The following CWC27 variants were observed in gnomAD, a reference collection of about 807,000 sequenced individuals.
The protein encoded by CWC27 is spliceosome-associated protein CWC27 homolog.
A neutral mutation model predicts 63.6 loss-of-function variants in CWC27; 47 were observed. That is an observed-to-expected ratio of 0.74 (90% CI 0.58 to 0.94). CWC27 has a LOEUF of 0.94. Ranked by LOEUF, CWC27 falls within the 40% of genes least tolerant of loss-of-function variation. The pLI, the probability that CWC27 is intolerant of heterozygous loss-of-function variation, is 0.00. For missense variants in CWC27, 495 were observed against 554.3 expected (o/e 0.89, Z 1.07); for synonymous variants, 175 against 179.8 (o/e 0.97, Z 0.22).
Position 64,781,937 on chromosome 5 carries a change from C to T in CWC27, c.156C>T (p.Thr52=). The T allele has an allele frequency of 6.4e-7, 1 of 1,573,970 alleles. No individual in the cohort carries two copies. The highest frequency in any genetic ancestry group is 8.7e-7 in the Non-Finnish European group (1 of 1,150,628). The change falls in exon 3 of 14, where the codon ACC becomes ACT. Residue 52 remains threonine, a synonymous_variant. Coordinates refer to ENST00000381070, the MANE Select transcript of CWC27 (RefSeq NM_005869.4). ...QLCLEAYYDN[T]IFHRVVPGFI... ...TTTTTTCAGCTTATTATGACAATAC[C>T]ATTTTTCATAGAGTTGTGCCTGGTT...
In CWC27 at chr5:64,853,551, T is replaced by C. The variant is rs147954413; in HGVS notation, c.939-31892T>C. 3.9e-5 allele frequency among the ~76,000 whole-genome samples: 6 copies of C among 152,352 alleles called. No individual in the cohort carries two copies. The East Asian group carries it at 1.2e-3, about 29-fold the overall frequency. On this transcript the variant is annotated intron_variant, in intron 10 of 13. Transcript: ENST00000381070. ...CTATAAAGAAATATTTGAGGGTAAGTAATGTCTAAGGAAAAGAGGTTTAAT... is the reference window on the plus strand; with the variant it reads ...CTATAAAGAAATATTTGAGGGTAAGCAATGTCTAAGGAAAAGAGGTTTAAT...
At chr5:64,998,129 C>T (rs73093068) in intron 13 of CWC27, among the ~76,000 whole-genome samples, 5 of 152,008 alleles carry the variant, frequency 3.3e-5, no homozygotes, top group African/African-American at 1.2e-4. Flanking sequence ...CTGTCTTAAC[C>T]CTGCGCTTTC....
At chr5:64,972,570 A>C in intron 12 of CWC27, 1 of 389,276 alleles carries the variant, frequency 2.6e-6, no homozygotes, top group Non-Finnish European at 5.0e-6. Flanking sequence ...ACACCATTTT[A>C]GTTGTATAAA....
At chr5:65,017,184 G>T (rs748472343) in intron 13 of CWC27, among the ~76,000 whole-genome samples, 1 of 152,072 alleles carries the variant, frequency 6.6e-6, no homozygotes, top group South Asian at 2.1e-4. Context: ...AGCCAGGCGT[G>T]GTGGCAAATC....
chr5:65,004,242 G>T (rs1452089101), intron 13 of CWC27, among the ~76,000 whole-genome samples: 1 of 152,048 alleles, frequency 6.6e-6, no homozygotes, highest in African/African-American at 2.4e-5. Context: ...TATGCCTCTT[G>T]TAAGACTTAT....
rs1322341755 is a variant in CWC27, at chr5:64,833,422, G to A, written c.938+29036G>A. Among the ~76,000 whole-genome samples, 4 of 151,814 alleles carry A rather than the reference G, an allele frequency of 2.6e-5. No individual in the cohort carries two copies. The East Asian group carries it at 7.7e-4, about 29-fold the overall frequency. On this transcript the variant is annotated intron_variant, in intron 10 of 13. Transcript: ENST00000381070. ...TAAATGCCACCATCTGTATATAACT[G>A]GATTCTCTTATTGACCAATGCATGC...
intron 11 of CWC27, among the ~76,000 whole-genome samples, chr5:64,901,693 A>G (rs115933516): frequency 0.01 from 1,525 of 152,232 alleles, 13 homozygotes; most frequent in Non-Finnish European, 0.015. Flanking sequence ...GGCTTACTGT[A>G]ACTTTTTTAC....
Position 64,785,510 on chromosome 5 carries a change from G to GCGA in CWC27, c.428_430dup (p.Arg143dup). 1 of 1,544,492 alleles carries GCGA rather than the reference G, an allele frequency of 6.5e-7. No homozygotes were observed. The highest frequency in any genetic ancestry group is 8.7e-7 in the Non-Finnish European group (1 of 1,152,728). ...CAGGGGATACAGTATATAACATGTTGCGACTGTCAGAAGTAGACATTGATG... is the reference window on the plus strand; with the variant it reads ...CAGGGGATACAGTATATAACATGTTGCGACGACTGTCAGAAGTAGACATTGATG... On this transcript the variant is annotated inframe_insertion, in exon 5 of 14. Transcript: ENST00000381070.
intron 13 of CWC27, among the ~76,000 whole-genome samples, chr5:65,006,087 C>A (rs183347784): frequency 0.055 from 8,335 of 152,140 alleles, 549 homozygotes; most frequent in African/African-American, 0.15. Context: ...CTTGTGATTT[C>A]TTAACATTAT....
intron 11 of CWC27, among the ~76,000 whole-genome samples, chr5:64,911,570 G>A (rs1212498237): frequency 6.6e-6 from 1 of 152,268 alleles, no homozygotes; most frequent in Non-Finnish European, 1.5e-5. Flanking sequence ...GAGGATCAGA[G>A]TTTGGGGCAA....
intron 10 of CWC27, among the ~76,000 whole-genome samples, chr5:64,859,205 G>A (rs75078429): frequency 0.011 from 1,737 of 152,258 alleles, 77 homozygotes; most frequent in Admixed American, 0.075. Flanking sequence ...ATTGTTAGAA[G>A]TAGCAACTAA....
intron 10 of CWC27, among the ~76,000 whole-genome samples, chr5:64,812,515 G>C (rs1430708629): frequency 6.6e-6 from 1 of 152,022 alleles, no homozygotes; most frequent in Non-Finnish European, 1.5e-5. Context: ...TTGTTTTTTT[G>C]CTTTGGTATG....
intron 10 of CWC27, among the ~76,000 whole-genome samples, chr5:64,845,416 G>A (rs1745949659): frequency 6.6e-6 from 1 of 152,176 alleles, no homozygotes; most frequent in Non-Finnish European, 1.5e-5. Context: ...GACTGAGGAA[G>A]AATTTAGAAT....
At chr5:64,939,154 C>G (rs573955898) in intron 11 of CWC27, among the ~76,000 whole-genome samples, 1 of 152,182 alleles carries the variant, frequency 6.6e-6, no homozygotes, top group Admixed American at 6.5e-5. Flanking sequence ...CCCTTGCTGG[C>G]GAGAAGTTGT....
intron 10 of CWC27, among the ~76,000 whole-genome samples, chr5:64,863,265 C>T (rs1474710277): frequency 6.6e-6 from 1 of 152,092 alleles, no homozygotes; most frequent in African/African-American, 2.4e-5. Flanking sequence ...TCAGATTAAA[C>T]ATTCTTGGGA....
At chr5:64,831,535 G>A (rs1182900398) in intron 10 of CWC27, among the ~76,000 whole-genome samples, 1 of 151,278 alleles carries the variant, frequency 6.6e-6, no homozygotes, top group Non-Finnish European at 1.5e-5. Context: ...GATAGATATG[G>A]ATATAGATAT....
At chr5:64,845,058 A>G in intron 10 of CWC27, 1 of 456,386 alleles carries the variant, frequency 2.2e-6, no homozygotes, top group Non-Finnish European at 4.4e-6. Context: ...CTAGCCATTA[A>G]CTCTGCCTAA....
chr5:64,834,206 C>T (rs1328827606), intron 10 of CWC27, among the ~76,000 whole-genome samples: 3 of 150,880 alleles, frequency 2.0e-5, no homozygotes, highest in Admixed American at 6.6e-5. Flanking sequence ...TATCTGTTTG[C>T]GTAATAAGGT....
intron 7 of CWC27, among the ~76,000 whole-genome samples, chr5:64,795,838 A>G (rs960843259): frequency 6.6e-6 from 1 of 152,124 alleles, no homozygotes; most frequent in African/African-American, 2.4e-5. Flanking sequence ...CTGTCTAATG[A>G]ATGTCTAAAC....
Sources: gnomAD v4.1 joint callset for allele counts (sites outside exome capture counted in the v4.1 genomes callset) on GRCh38, gnomAD v4.1.1 for gene constraint, MANE v1.5 for transcripts, NCBI Gene and HGNC (gene_info 2026-07-23, HGNC 2026-07-21) for gene names.